MCPH1: variants seen among roughly 807,000 people sequenced by gnomAD.
The protein encoded by MCPH1 is microcephalin.
MCPH1 carries 104 observed loss-of-function variants against 84.5 expected under a neutral mutation model. The observed-to-expected ratio is 1.23, with a 90% CI of 1.05 to 1.45. The LOEUF is 1.45. Among genes scored for constraint, MCPH1 ranks in the 40% most tolerant of loss-of-function variants. MCPH1 has a pLI of 0.00. For missense variants in MCPH1, 1,498 were observed against 1,005.7 expected (o/e 1.49, Z -6.62); for synonymous variants, 514 against 366.8 (o/e 1.40, Z -4.58).
chr8:6,477,721 A>G (rs1808668667), intron 10 of MCPH1, 90 bp downstream of exon 10: 4 of 967,716 alleles, frequency 4.1e-6, no homozygotes, highest in Admixed American at 1.7e-5. Context: ...GCAACTTGTC[A>G]ATCTGTCCTG....
intron 1 of MCPH1, among the ~76,000 whole-genome samples, chr8:6,407,421 C>T (rs1391430775): frequency 3.9e-5 from 6 of 152,130 alleles, no homozygotes; most frequent in African/African-American, 1.4e-4. Flanking sequence ...CTAGTCAGTG[C>T]TGACAGGGCC....
intron 11 of MCPH1, among the ~76,000 whole-genome samples, chr8:6,497,342 A>G (rs1482019469): frequency 6.6e-6 from 1 of 152,084 alleles, no homozygotes; most frequent in Non-Finnish European, 1.5e-5. Flanking sequence ...AAAAAAAGAA[A>G]AAAGAAAAAA....
chr8:6,537,865 G>A (rs1405352585), intron 12 of MCPH1, among the ~76,000 whole-genome samples: 1 of 152,124 alleles, frequency 6.6e-6, no homozygotes, highest in Non-Finnish European at 1.5e-5. Flanking sequence ...ACCAACTGTA[G>A]ATGCTGGTTG....
At chr8:6,529,752 A>G (rs920422140) in intron 12 of MCPH1, among the ~76,000 whole-genome samples, 6 of 151,678 alleles carry the variant, frequency 4.0e-5, no homozygotes, top group Non-Finnish European at 8.8e-5. Flanking sequence ...GATCTGAGCA[A>G]GCGTGCTCAG....
chr8:6,406,875 TGC>T, intron 1 of MCPH1, among the ~76,000 whole-genome samples, 186 bp downstream of exon 1: 1 of 5,668 alleles, frequency 1.8e-4, no homozygotes, highest in African/African-American at 4.2e-4. Flanking sequence ...CCCCTGCTCC[TGC>T]TCTCTCCCCC....
At chr8:6,533,385 A>G (rs566006355) in intron 12 of MCPH1, among the ~76,000 whole-genome samples, 2 of 152,332 alleles carry the variant, frequency 1.3e-5, no homozygotes, top group South Asian at 4.1e-4. Context: ...GCTTGGAGCC[A>G]GGGAAGCCTG....
At chr8:6,430,674 C>T (rs1801714845) in intron 3 of MCPH1, among the ~76,000 whole-genome samples, 1 of 151,920 alleles carries the variant, frequency 6.6e-6, no homozygotes, top group South Asian at 2.1e-4. Flanking sequence ...GGTGATAGGC[C>T]TGTGAGGGAT....
At chr8:6,611,601 C>T (rs1830271118) in intron 12 of MCPH1, among the ~76,000 whole-genome samples, 1 of 150,462 alleles carries the variant, frequency 6.6e-6, no homozygotes, top group Admixed American at 6.7e-5. Context: ...AGCTCCTGAA[C>T]CCTTTAACGT....
At chr8:6,512,292 C>T (rs1010801379) in intron 12 of MCPH1, among the ~76,000 whole-genome samples, 6 of 152,210 alleles carry the variant, frequency 3.9e-5, no homozygotes. Flanking sequence ...CTTCTCCGTG[C>T]TGCCCACCAC....
At chr8:6,444,290 C>T (rs546103750) in intron 7 of MCPH1, 103 bp from the exon 8 acceptor site, 1 of 1,338,580 alleles carries the variant, frequency 7.5e-7, no homozygotes, top group East Asian at 2.4e-5. Flanking sequence ...GTCTTCTTAA[C>T]TAATAGCTGT....
At chr8:6,445,956 GAAATT>G (rs1804301829) in intron 8 of MCPH1, 1 of 983,684 alleles carries the variant, frequency 1.0e-6, no homozygotes, top group African/African-American at 1.7e-5. Context: ...TTTAAAGAAA[GAAATT>G]AAGGTAGATT....
At chr8:6,434,803 C>T (rs3020267) in intron 4 of MCPH1, among the ~76,000 whole-genome samples, 2,265 of 152,264 alleles carry the variant, frequency 0.015, 57 homozygotes, top group African/African-American at 0.051. Flanking sequence ...GGTAGCTTCG[C>T]GCTGAAAACG....
chr8:6,609,828 C>CCCCCCCCA lies in MCPH1; in HGVS notation c.2215-11625_2215-11624insCCCCCCAC, dbSNP rs1475345162. On this transcript the variant is annotated intron_variant, in intron 12 of 13. Transcript: ENST00000344683. ...CAAAGCAATGCCCCCCGCCCCCCCCCCACACACAGACTGCCAGGTAAACCA... is the reference window on the plus strand; with the variant it reads ...CAAAGCAATGCCCCCCGCCCCCCCCCCCCCCCCACACACACAGACTGCCAGGTAAACCA... Among the ~76,000 whole-genome samples the CCCCCCCCA allele has an allele frequency of 2.3e-3, 252 of 108,456 alleles. 20 individuals carry two copies. Among genetic ancestry groups the CCCCCCCCA allele is most frequent in the South Asian group, 7.0e-3 (17 of 2,412 alleles). The allele number at this position is 108,456 out of a possible 152,430, so 71.2% of individuals were successfully genotyped here. A position where few individuals can be genotyped will look rare whatever the true frequency, so the allele number is the denominator to read the frequency against.
intron 12 of MCPH1, among the ~76,000 whole-genome samples, chr8:6,541,024 C>A (rs535674283): frequency 2.3e-4 from 29 of 127,370 alleles, no homozygotes; most frequent in African/African-American, 6.7e-4. Context: ...GCTGTGCTTG[C>A]GAGAGTGCCG....
In MCPH1 at chr8:6,409,385, T is replaced by A. The variant is rs1276898906; in HGVS notation, c.114+15T>A. On this transcript the variant is annotated intron_variant, in intron 2 of 13. Transcript: ENST00000344683. ...TGGGGGCAAAGGTAAGACACTTATT[T>A]TGCTGTTGATTCATATGACAGTCTT... 1 of 1,570,350 alleles carries A rather than the reference T, an allele frequency of 6.4e-7. No homozygotes were observed.
At chr8:6,465,955 C>CCATCCATT (rs1806856399) in intron 9 of MCPH1, among the ~76,000 whole-genome samples, 2 of 149,788 alleles carry the variant, frequency 1.3e-5, no homozygotes, top group Non-Finnish European at 2.9e-5. Context: ...ATGCATCCAT[C>CCATCCATT]CATCCATCCA....
chr8:6,457,551 G>T (rs1177406171), intron 9 of MCPH1, among the ~76,000 whole-genome samples: 1 of 152,132 alleles, frequency 6.6e-6, no homozygotes, highest in Non-Finnish European at 1.5e-5. Flanking sequence ...GTTGCAGTGA[G>T]TCGAGATCAT....
At chr8:6,431,296 T>C (rs1585715118) in intron 3 of MCPH1, among the ~76,000 whole-genome samples, 1 of 152,226 alleles carries the variant, frequency 6.6e-6, no homozygotes, top group Non-Finnish European at 1.5e-5. Flanking sequence ...GCTTCTGTTA[T>C]ACTTAAATAC....
At chr8:6,608,238 G>A (rs1261101342) in intron 12 of MCPH1, among the ~76,000 whole-genome samples, 3 of 152,210 alleles carry the variant, frequency 2.0e-5, no homozygotes, top group African/African-American at 7.2e-5. Context: ...TCACCTGCCC[G>A]TGCTTACCGG....
Sources: allele counts gnomAD v4.1 joint callset (sites outside exome capture counted in the v4.1 genomes callset), GRCh38; gene constraint gnomAD v4.1.1; transcripts MANE v1.5; gene names NCBI Gene and HGNC (gene_info 2026-07-23, HGNC 2026-07-21).